SLC14A2: variants seen among roughly 807,000 people sequenced by gnomAD.
The protein encoded by SLC14A2 is solute carrier family 14 member 2, also known as urea transporter 2.
A neutral mutation model predicts 104.6 loss-of-function variants in SLC14A2; 91 were observed. The ratio of observed to expected loss-of-function variants is 0.87; its 90% confidence interval spans 0.73 to 1.04. The LOEUF (loss-of-function observed/expected upper bound fraction) is 1.04, where lower values mean the gene tolerates loss of function less well. Among genes scored for constraint, SLC14A2 ranks in the 50% least tolerant of loss-of-function variants. The pLI is 0.00. For missense variants in SLC14A2, 1,189 were observed against 1,156.0 expected, an observed-to-expected ratio of 1.03 and a Z score of -0.41; for synonymous variants, 476 against 466.4, an observed-to-expected ratio of 1.02 and a Z score of -0.27.
At chr18:45,182,036 G>T in the SLC14A2 span, among the ~76,000 whole-genome samples, 1 of 151,834 alleles carries the variant, frequency 6.6e-6, no homozygotes, top group African/African-American at 2.4e-5. Context: ...AGAATCATTG[G>T]CAAATTCACA....
chr18:45,624,329 C>T (rs895889967), intron 1 of SLC14A2, among the ~76,000 whole-genome samples: 3 of 151,994 alleles, frequency 2.0e-5, no homozygotes, highest in African/African-American at 7.3e-5. Flanking sequence ...GCACAGCAGG[C>T]AATATGAAAG....
At chr18:45,329,595 C>T (rs2085269678) in intron 1 of SLC14A2, among the ~76,000 whole-genome samples, 1 of 152,064 alleles carries the variant, frequency 6.6e-6, no homozygotes, top group Admixed American at 6.6e-5. Flanking sequence ...TTTTTTTCCC[C>T]ACTTTTTCTC....
chr18:45,509,182 G>A (rs2043329129), intron 2 of SLC14A2, among the ~76,000 whole-genome samples: 1 of 152,066 alleles, frequency 6.6e-6, no homozygotes, highest in Non-Finnish European at 1.5e-5. Flanking sequence ...ACTCATCTGT[G>A]GATTCAACTG....
At chr18:45,529,213 T>C (rs2144827292) in intron 2 of SLC14A2, 1 of 152,294 alleles carries the variant, frequency 6.6e-6, no homozygotes, top group South Asian at 2.1e-4. Flanking sequence ...GAAAACAAAA[T>C]TATTGGTGAG....
intron 1 of SLC14A2, among the ~76,000 whole-genome samples, chr18:45,323,184 TG>T (rs2085201975): frequency 6.6e-6 from 1 of 152,212 alleles, no homozygotes; most frequent in African/African-American, 2.4e-5. Context: ...CTATGTTCAT[TG>T]ATGCATTCTA....
intron 1 of SLC14A2, among the ~76,000 whole-genome samples, chr18:45,292,526 C>T (rs2084879869): frequency 6.6e-6 from 1 of 152,112 alleles, no homozygotes; most frequent in Non-Finnish European, 1.5e-5. Context: ...TAGGCTTTCA[C>T]GCATGATCTC....
intron 2 of SLC14A2, among the ~76,000 whole-genome samples, chr18:45,580,233 T>TATCTAC (rs2044470283): frequency 2.6e-5 from 4 of 152,170 alleles, no homozygotes; most frequent in Non-Finnish European, 4.4e-5. Context: ...AGGTAGCACT[T>TATCTAC]ATCTACATTT....
intron 2 of SLC14A2, among the ~76,000 whole-genome samples, chr18:45,558,319 C>T (rs577490536): frequency 2.0e-5 from 3 of 152,198 alleles, no homozygotes; most frequent in South Asian, 2.1e-4. Flanking sequence ...GTCACTAGTA[C>T]GACCCTGCCT....
chr18:45,208,102 C>T (rs113360124), upstream of SLC14A2, among the ~76,000 whole-genome samples: 34 of 152,130 alleles, frequency 2.2e-4, no homozygotes, highest in African/African-American at 8.0e-4. Context: ...CTGCAGTTAC[C>T]TCTATATGAC....
intron 1 of SLC14A2, among the ~76,000 whole-genome samples, chr18:45,213,617 G>C (rs1219857719): frequency 6.6e-6 from 1 of 152,156 alleles, no homozygotes; most frequent in Non-Finnish European, 1.5e-5. Context: ...AAACGTTAAA[G>C]GTGACTGAGT....
At chr18:45,284,170 G>A (rs1364487637) in intron 1 of SLC14A2, among the ~76,000 whole-genome samples, 1 of 152,156 alleles carries the variant, frequency 6.6e-6, no homozygotes, top group Non-Finnish European at 1.5e-5. Flanking sequence ...CATACAATCA[G>A]GCATTACAGT....
At chr18:45,498,262 C>A (rs1357407797) in intron 2 of SLC14A2, among the ~76,000 whole-genome samples, 1 of 152,240 alleles carries the variant, frequency 6.6e-6, no homozygotes, top group Non-Finnish European at 1.5e-5. Context: ...CAGCTACATA[C>A]TTCCCGGGAA....
chr18:45,328,593 C>G (rs2085259080), intron 1 of SLC14A2, among the ~76,000 whole-genome samples: 1 of 152,152 alleles, frequency 6.6e-6, no homozygotes, highest in Admixed American at 6.5e-5. Flanking sequence ...GATAGAATAA[C>G]AATAGGATTA....
intron 2 of SLC14A2, among the ~76,000 whole-genome samples, chr18:45,487,377 TC>T (rs1156976096): frequency 6.6e-6 from 1 of 152,208 alleles, no homozygotes; most frequent in Non-Finnish European, 1.5e-5. Context: ...AATCTCCCTA[TC>T]TTGAGTTCAA....
chr18:45,231,908 G>A (rs2084178444), intron 1 of SLC14A2, among the ~76,000 whole-genome samples: 1 of 152,160 alleles, frequency 6.6e-6, no homozygotes, highest in African/African-American at 2.4e-5. Context: ...AAGTATGTGT[G>A]TGAAAAGTGT....
chr18:45,241,814 T>C lies in SLC14A2; in HGVS notation c.-125+28623T>C, dbSNP rs550109797. Among the ~76,000 whole-genome samples the C allele has an allele frequency of 2.5e-3, 375 of 152,088 alleles. 3 individuals are homozygous for C. Among genetic ancestry groups the C allele is most frequent in the Non-Finnish European group, 3.3e-3 (224 of 67,974 alleles). On this transcript the variant is annotated intron_variant, in intron 1 of 20. Coordinates refer to the SLC14A2 transcript ENST00000586448. ...ATGTACCACCACGCCCAGTTAATTTTGTATTTTTAGTAGAGATGGGGTTTC... is the reference window on the plus strand; with the variant it reads ...ATGTACCACCACGCCCAGTTAATTTCGTATTTTTAGTAGAGATGGGGTTTC...
At position 45,631,054 on chromosome 18, in the gene SLC14A2, TC is replaced by T. The variant is rs563158446; in HGVS notation, c.522-1294del. ...CACAGCCCCTGCTGGGTTGGAGCCCTCCTCTAGCCAGAATTCCCTTCCTGCA... is the reference window on the plus strand; with the variant it reads ...CACAGCCCCTGCTGGGTTGGAGCCCTCTCTAGCCAGAATTCCCTTCCTGCA... On this transcript the variant is annotated intron_variant, in intron 4 of 19. Coordinates refer to ENST00000255226, the MANE Select transcript of SLC14A2 (RefSeq NM_007163.4). Among the ~76,000 whole-genome samples, 9 of 152,266 alleles carry T rather than the reference TC, an allele frequency of 5.9e-5. No individual in the cohort carries two copies. In the South Asian group the frequency reaches 1.9e-3, roughly 32 times the overall value.
At chr18:45,502,790 A>C (rs897970992) in intron 2 of SLC14A2, among the ~76,000 whole-genome samples, 2 of 152,090 alleles carry the variant, frequency 1.3e-5, no homozygotes, top group African/African-American at 2.4e-5. Context: ...GACACATTCA[A>C]TGTTGCATCA....
At chr18:45,553,619 G>A (rs1483286587) in intron 2 of SLC14A2, among the ~76,000 whole-genome samples, 4 of 152,258 alleles carry the variant, frequency 2.6e-5, no homozygotes, top group Non-Finnish European at 4.4e-5. Context: ...GAAAAAAAGG[G>A]GAGAAGGGCA....
Sources: allele counts gnomAD v4.1 joint callset (sites outside exome capture counted in the v4.1 genomes callset), GRCh38; gene constraint gnomAD v4.1.1; transcripts MANE v1.5; gene names NCBI Gene and HGNC (gene_info 2026-07-23, HGNC 2026-07-21).